The following VAV3 variants were observed in gnomAD, a reference collection of about 807,000 sequenced individuals.
The protein encoded by VAV3 is guanine nucleotide exchange factor VAV3.
A neutral mutation model predicts 131.2 loss-of-function variants in VAV3; 94 were observed. The observed-to-expected ratio is 0.72, with a 90% CI of 0.61 to 0.85. The LOEUF (loss-of-function observed/expected upper bound fraction) is 0.85. Among genes scored for constraint, VAV3 ranks in the 40% least tolerant of loss-of-function variants. The pLI is 0.00. For synonymous variants in VAV3, 349 were observed against 342.0 expected (o/e 1.02, Z -0.22); for missense variants, 939 against 1,002.7 (o/e 0.94, Z 0.86).
intron 9 of VAV3, among the ~76,000 whole-genome samples, chr1:107,762,406 T>C (rs997495019): frequency 6.6e-6 from 1 of 152,208 alleles, no homozygotes; most frequent in Non-Finnish European, 1.5e-5. Context: ...TCAAAATGAA[T>C]TGGGGACACA....
At chr1:107,924,338 T>C (rs1407350857) in intron 1 of VAV3, among the ~76,000 whole-genome samples, 1 of 152,030 alleles carries the variant, frequency 6.6e-6, no homozygotes, top group Non-Finnish European at 1.5e-5. Flanking sequence ...ATTTTGAATG[T>C]TACTAAATGA....
intron 22 of VAV3, among the ~76,000 whole-genome samples, chr1:107,604,728 C>G (rs1040772021): frequency 6.6e-6 from 1 of 152,148 alleles, no homozygotes; most frequent in African/African-American, 2.4e-5. Context: ...TTTTGTGGCA[C>G]TTATCACAAT....
intron 1 of VAV3, among the ~76,000 whole-genome samples, chr1:107,911,728 T>C (rs964259048): frequency 2.0e-5 from 3 of 152,176 alleles, no homozygotes; most frequent in South Asian, 4.1e-4. Context: ...ACTGGCCAAG[T>C]GAGAAAGAAA....
intron 1 of VAV3, among the ~76,000 whole-genome samples, chr1:107,940,918 T>A (rs1557936833): frequency 6.6e-6 from 1 of 152,088 alleles, no homozygotes; most frequent in South Asian, 2.1e-4. Context: ...AGTGTGAATG[T>A]ACTTAATGCC....
chr1:107,644,706 G>A (rs911207991), intron 19 of VAV3, among the ~76,000 whole-genome samples: 2 of 151,932 alleles, frequency 1.3e-5, no homozygotes, highest in African/African-American at 4.8e-5. Context: ...GAGTGTTTAG[G>A]AAAAAATTAA....
intron 20 of VAV3, among the ~76,000 whole-genome samples, chr1:107,625,514 G>A (rs973595124): frequency 1.4e-4 from 21 of 151,992 alleles, no homozygotes; most frequent in Admixed American, 4.6e-4. Context: ...TCATCCACTT[G>A]CCCCAGCCTC....
At chr1:107,596,068 T>C in intron 25 of VAV3, 144 bp downstream of exon 25, 1 of 1,066,958 alleles carries the variant, frequency 9.4e-7, no homozygotes, top group Non-Finnish European at 1.3e-6. Flanking sequence ...CATCTGACTC[T>C]GCTTAACTCC....
At chr1:107,910,978 A>C (rs1264170399) in intron 1 of VAV3, among the ~76,000 whole-genome samples, 1 of 151,196 alleles carries the variant, frequency 6.6e-6, no homozygotes, top group Non-Finnish European at 1.5e-5. Flanking sequence ...AGCAAGACTC[A>C]GTCTCATTAA....
intron 7 of VAV3, among the ~76,000 whole-genome samples, chr1:107,767,045 T>C (rs1664771592): frequency 6.6e-6 from 1 of 152,254 alleles, no homozygotes; most frequent in African/African-American, 2.4e-5. Flanking sequence ...AATGTTTTAT[T>C]GACAGGATAA....
chr1:107,959,972 T>A (rs967478357), intron 1 of VAV3, among the ~76,000 whole-genome samples: 2 of 152,198 alleles, frequency 1.3e-5, no homozygotes, highest in Non-Finnish European at 2.9e-5. Flanking sequence ...TCTTCTCATA[T>A]CCCTAATCTA....
chr1:107,933,394 C>G (rs1277498927), intron 1 of VAV3, among the ~76,000 whole-genome samples: 1 of 151,820 alleles, frequency 6.6e-6, no homozygotes, highest in South Asian at 2.1e-4. Flanking sequence ...AAAATCTGAC[C>G]ATTTCAAATT....
chr1:107,936,648 A>G (rs1673723290), intron 1 of VAV3, among the ~76,000 whole-genome samples: 1 of 152,170 alleles, frequency 6.6e-6, no homozygotes, highest in Non-Finnish European at 1.5e-5. Context: ...TGGAGTAGCC[A>G]CAAGCCTGAC....
intron 20 of VAV3, among the ~76,000 whole-genome samples, chr1:107,621,297 A>C (rs969560734): frequency 2.6e-5 from 4 of 152,130 alleles, no homozygotes; most frequent in Non-Finnish European, 4.4e-5. Flanking sequence ...TAACGTATGA[A>C]TAAAGTTACA....
At chr1:107,617,698 C>T in intron 20 of VAV3, 66 bp from the exon 21 acceptor site, 2 of 1,398,034 alleles carry the variant, frequency 1.4e-6, no homozygotes, top group South Asian at 2.4e-5. Context: ...CCCATGATGC[C>T]CCATACATAG....
chr1:107,639,626 A>C (rs540876149), intron 20 of VAV3, among the ~76,000 whole-genome samples: 1 of 152,328 alleles, frequency 6.6e-6, no homozygotes, highest in South Asian at 2.1e-4. Context: ...TCAAAACTGC[A>C]ATGAGACACC....
intron 2 of VAV3, among the ~76,000 whole-genome samples, chr1:107,808,122 C>A (rs1667149084): frequency 6.6e-6 from 1 of 152,152 alleles, no homozygotes; most frequent in Non-Finnish European, 1.5e-5. Context: ...ATATTTTATA[C>A]AATGTCCTGG....
At chr1:107,721,146 C>T (rs1661471564) in intron 15 of VAV3, among the ~76,000 whole-genome samples, 1 of 152,010 alleles carries the variant, frequency 6.6e-6, no homozygotes, top group African/African-American at 2.4e-5. Flanking sequence ...TAAATTTAGG[C>T]ATAAGAGACT....
At chr1:107,886,866 G>A (rs1459208140) in intron 1 of VAV3, among the ~76,000 whole-genome samples, 1 of 151,860 alleles carries the variant, frequency 6.6e-6, no homozygotes, top group Non-Finnish European at 1.5e-5. Context: ...AAAAAAACCT[G>A]CATTTGCCAT....
chr1:107,611,088 G>T (rs2101157700), intron 21 of VAV3, among the ~76,000 whole-genome samples: 1 of 152,106 alleles, frequency 6.6e-6, no homozygotes, highest in African/African-American at 2.4e-5. Context: ...TCACATTTTG[G>T]ATTTAAAAAA....
Sources: gnomAD v4.1 joint callset for allele counts (sites outside exome capture counted in the v4.1 genomes callset) on GRCh38, gnomAD v4.1.1 for gene constraint, MANE v1.5 for transcripts, NCBI Gene and HGNC (gene_info 2026-07-23, HGNC 2026-07-21) for gene names.